The following PDE1A variants were observed in gnomAD, a reference collection of about 807,000 sequenced individuals.
PDE1A encodes the protein dual specificity calcium/calmodulin-dependent 3',5'-cyclic nucleotide phosphodiesterase 1A.
In PDE1A, 35 loss-of-function variants were observed where a neutral mutation model predicts 61.7. The ratio of observed to expected loss-of-function variants is 0.57; its 90% CI spans 0.43 to 0.75. The LOEUF (loss-of-function observed/expected upper bound fraction) is 0.75. Among genes scored for constraint, PDE1A ranks in the 30% least tolerant of loss-of-function variants. The probability of loss-of-function intolerance (pLI) is 0.00; values close to 1 mark genes in which losing one functional copy is unlikely to be tolerated. For missense variants in PDE1A, 597 were observed against 630.6 expected, an observed-to-expected ratio of 0.95 and a Z score of 0.57; for synonymous variants, 232 against 213.2, an observed-to-expected ratio of 1.09 and a Z score of -0.77.
intron 1 of PDE1A, among the ~76,000 whole-genome samples, chr2:182,350,008 A>G (rs1428385810): frequency 6.6e-6 from 1 of 152,202 alleles, no homozygotes; most frequent in Admixed American, 6.5e-5. Flanking sequence ...CAGATTAAGA[A>G]AGAAAATATT....
At chr2:182,230,438 A>C (rs971601209) in intron 5 of PDE1A, among the ~76,000 whole-genome samples, 20 of 152,332 alleles carry the variant, frequency 1.3e-4, no homozygotes, top group African/African-American at 4.8e-4. Context: ...AATTCGTAGA[A>C]GGGTAAATAT....
In PDE1A at chr2:182,148,449, T is replaced by G. The variant is rs540325648; in HGVS notation, c.1517-1297A>C. Among the ~76,000 whole-genome samples, 12 of 152,356 alleles carry G rather than the reference T, an allele frequency of 7.9e-5. No homozygotes were observed. The South Asian group carries it at 2.3e-3, about 29-fold the overall frequency. On this transcript the variant is annotated intron_variant, in intron 13 of 13. Coordinates refer to the PDE1A transcript ENST00000409365. ...TGGCAGGCGTTTACAGCTGCCTTTA[T>G]TTTCTGTGAGCACAGTCATGGGCTC...
chr2:182,342,386 A>C (rs1301045080), intron 1 of PDE1A, among the ~76,000 whole-genome samples: 2 of 152,192 alleles, frequency 1.3e-5, no homozygotes, highest in Non-Finnish European at 2.9e-5. Context: ...GAAGCAAAAA[A>C]CATCACCTAA....
chr2:182,256,438 G>GTA (rs1244626927), intron 2 of PDE1A, among the ~76,000 whole-genome samples: 1 of 150,506 alleles, frequency 6.6e-6, no homozygotes, highest in African/African-American at 2.4e-5. Context: ...TGGCTGCATA[G>GTA]TATAAGTCAG....
the PDE1A span, among the ~76,000 whole-genome samples, chr2:182,688,321 G>A: frequency 6.6e-6 from 1 of 152,196 alleles, no homozygotes; most frequent in Non-Finnish European, 1.5e-5. Flanking sequence ...CAGACTAACA[G>A]CTGATCTCTC....
upstream of PDE1A, among the ~76,000 whole-genome samples, chr2:182,523,532 C>A (rs927323891): frequency 6.6e-6 from 1 of 152,110 alleles, no homozygotes; most frequent in Non-Finnish European, 1.5e-5. Flanking sequence ...AACAATATTT[C>A]TTCTTGTTTG....
upstream of PDE1A, among the ~76,000 whole-genome samples, chr2:182,430,722 G>A (rs1180035843): frequency 7.3e-6 from 1 of 136,566 alleles, no homozygotes; most frequent in African/African-American, 2.6e-5. Context: ...GTCCAACAAT[G>A]ATAGACTGGA....
chr2:182,654,889 T>C, the PDE1A span, among the ~76,000 whole-genome samples: 1 of 152,194 alleles, frequency 6.6e-6, no homozygotes, highest in Non-Finnish European at 1.5e-5. Context: ...TCTCTTCTAT[T>C]GGGAACACCA....
At chr2:182,390,684 G>A (rs1701369336) in intron 1 of PDE1A, among the ~76,000 whole-genome samples, 1 of 152,194 alleles carries the variant, frequency 6.6e-6, no homozygotes. Context: ...AACAAAAGGT[G>A]CACACTCAGC....
At chr2:182,669,544 CA>C in the PDE1A span, among the ~76,000 whole-genome samples, 5 of 152,226 alleles carry the variant, frequency 3.3e-5, no homozygotes. Context: ...TTCTTTAAAA[CA>C]GCAACCTTCG....
chr2:182,646,459 G>A, the PDE1A span, among the ~76,000 whole-genome samples: 1 of 151,196 alleles, frequency 6.6e-6, no homozygotes, highest in African/African-American at 2.4e-5. Context: ...GGAGGCCACG[G>A]CGGGCAGATC....
At chr2:182,619,880 A>G in the PDE1A span, among the ~76,000 whole-genome samples, 1 of 152,190 alleles carries the variant, frequency 6.6e-6, no homozygotes, top group South Asian at 2.1e-4. Flanking sequence ...GTGCTGCATC[A>G]TCACATGGCA....
chr2:182,156,355 T>C (rs2125286090), intron 13 of PDE1A, among the ~76,000 whole-genome samples: 1 of 151,914 alleles, frequency 6.6e-6, no homozygotes, highest in East Asian at 1.9e-4. Context: ...TTCAACACTT[T>C]TTTTTTTTTA....
At chr2:182,198,563 A>C (rs1686334515) in intron 10 of PDE1A, among the ~76,000 whole-genome samples, 1 of 151,822 alleles carries the variant, frequency 6.6e-6, no homozygotes, top group Non-Finnish European at 1.5e-5. Context: ...GAATATTGTC[A>C]AATGCATTTT....
the PDE1A span, among the ~76,000 whole-genome samples, chr2:182,615,232 G>C: frequency 1.3e-5 from 2 of 152,144 alleles, no homozygotes. Context: ...GTAGGCTGCA[G>C]TTCTGTTCAG....
intron 1 of PDE1A, among the ~76,000 whole-genome samples, chr2:182,359,845 G>A (rs1699399440): frequency 6.6e-6 from 1 of 152,046 alleles, no homozygotes; most frequent in African/African-American, 2.4e-5. Flanking sequence ...ACATTAGCCG[G>A]CAAAGAAGGG....
At chr2:182,202,259 CAG>C (rs1452770106) in intron 8 of PDE1A, among the ~76,000 whole-genome samples, 1 of 152,120 alleles carries the variant, frequency 6.6e-6, no homozygotes, top group East Asian at 1.9e-4. Context: ...AGAGAAGAGA[CAG>C]AGATAAGAAG....
At chr2:182,435,438 T>C (rs1367704665) in intron 2 of PDE1A, among the ~76,000 whole-genome samples, 2 of 152,028 alleles carry the variant, frequency 1.3e-5, no homozygotes, top group Non-Finnish European at 2.9e-5. Context: ...CTAAGTACCA[T>C]GCAATAATAC....
At chr2:182,429,497 C>T (rs1703814955), upstream of PDE1A, among the ~76,000 whole-genome samples, 1 of 151,788 alleles carries the variant, frequency 6.6e-6, no homozygotes, top group African/African-American at 2.4e-5. Context: ...TTTATTTTTC[C>T]TGTTGTGGAA....
Sources: gnomAD v4.1 joint callset for allele counts (sites outside exome capture counted in the v4.1 genomes callset) on GRCh38, gnomAD v4.1.1 for gene constraint, MANE v1.5 for transcripts, NCBI Gene and HGNC (gene_info 2026-07-23, HGNC 2026-07-21) for gene names.